Variants in TAFA1 observed in about 807,000 individuals in gnomAD.
TAFA1 encodes the protein TAFA chemokine like family member 1.
Under a neutral mutation model 18.5 loss-of-function variants are expected in TAFA1, and 4 were observed. The ratio of observed to expected loss-of-function variants is 0.22; its 90% CI spans 0.11 to 0.49. TAFA1 has a LOEUF of 0.49. Ranked by LOEUF, TAFA1 falls within the 20% of genes least tolerant of loss-of-function variation. The pLI is 0.98. For missense variants in TAFA1, 147 were observed against 169.0 expected (o/e 0.87, Z 0.72); for synonymous variants, 56 against 55.2 (o/e 1.01, Z -0.06).
At chr3:68,302,756 C>T (rs2068328907) in intron 2 of TAFA1, among the ~76,000 whole-genome samples, 1 of 152,170 alleles carries the variant, frequency 6.6e-6, no homozygotes, top group African/African-American at 2.4e-5. Context: ...GACTGGAATG[C>T]TCATCCCCAC....
At chr3:68,151,694 C>T (rs1320301665) in intron 2 of TAFA1, among the ~76,000 whole-genome samples, 1 of 152,168 alleles carries the variant, frequency 6.6e-6, no homozygotes, top group Non-Finnish European at 1.5e-5. Context: ...GTGATAATGA[C>T]ATTTATTCAT....
intron 2 of TAFA1, among the ~76,000 whole-genome samples, chr3:68,293,600 T>C (rs2068153738): frequency 6.6e-6 from 1 of 152,198 alleles, no homozygotes; most frequent in Non-Finnish European, 1.5e-5. Context: ...TCCTTGGGTC[T>C]CTGTAAGAAT....
chr3:68,276,819 A>G (rs2067806006), intron 2 of TAFA1, among the ~76,000 whole-genome samples: 1 of 152,076 alleles, frequency 6.6e-6, no homozygotes, highest in African/African-American at 2.4e-5. Context: ...GAGGAGGAAA[A>G]GGTTTGATAT....
chr3:68,120,354 A>T (rs1166050645), intron 2 of TAFA1, among the ~76,000 whole-genome samples: 2 of 151,684 alleles, frequency 1.3e-5, no homozygotes, highest in African/African-American at 2.4e-5. Context: ...GGTTCAAGTG[A>T]TTCTCATGCC....
chr3:68,246,972 G>A (rs2067093061), intron 2 of TAFA1: 1 of 152,140 alleles, frequency 6.6e-6, no homozygotes, highest in Non-Finnish European at 1.5e-5. Flanking sequence ...TCAGTTAAAT[G>A]CCGTATGATC....
At chr3:68,120,220 TC>T (rs2065378816) in intron 2 of TAFA1, among the ~76,000 whole-genome samples, 2 of 133,392 alleles carry the variant, frequency 1.5e-5, no homozygotes, top group African/African-American at 3.0e-5. Context: ...TTTCTTTCTT[TC>T]TTTCTTTCTT....
the TAFA1 span, among the ~76,000 whole-genome samples, chr3:67,991,919 G>T: frequency 9.9e-5 from 15 of 151,728 alleles, no homozygotes; most frequent in Non-Finnish European, 1.9e-4. Flanking sequence ...TATCCTATTG[G>T]TTCTGTTTCT....
At chr3:68,022,810 TATATATATATATTATATATA>T (rs1176995846) in intron 2 of TAFA1, among the ~76,000 whole-genome samples, 10 of 95,930 alleles carry the variant, frequency 1.0e-4, no homozygotes. Context: ...GTATAAGATT[TATATATATATATTATATATA>T]ATATATATAT....
intron 2 of TAFA1, among the ~76,000 whole-genome samples, chr3:68,338,500 A>G (rs754780630): frequency 2.0e-5 from 3 of 152,154 alleles, no homozygotes; most frequent in Non-Finnish European, 2.9e-5. Flanking sequence ...AGCTTTTATT[A>G]TGTGCCATAT....
chr3:68,466,524 C>T (rs1348949391), intron 3 of TAFA1, among the ~76,000 whole-genome samples: 1 of 152,118 alleles, frequency 6.6e-6, no homozygotes, highest in Non-Finnish European at 1.5e-5. Flanking sequence ...CTGCCAAAGC[C>T]CATACCCCTT....
At chr3:68,459,018 T>C (rs2071722468) in intron 3 of TAFA1, among the ~76,000 whole-genome samples, 1 of 152,180 alleles carries the variant, frequency 6.6e-6, no homozygotes, top group South Asian at 2.1e-4. Flanking sequence ...GGTACAGTCA[T>C]TGCAAAGCAT....
At chr3:68,418,879 A>C (rs1286978327) in intron 3 of TAFA1, among the ~76,000 whole-genome samples, 2 of 152,172 alleles carry the variant, frequency 1.3e-5, no homozygotes, top group African/African-American at 4.8e-5. Context: ...AAATCCCAAA[A>C]CTTAGCAGCT....
intron 3 of TAFA1, among the ~76,000 whole-genome samples, chr3:68,437,513 G>A (rs1304931365): frequency 6.6e-6 from 1 of 152,108 alleles, no homozygotes; most frequent in Non-Finnish European, 1.5e-5. Context: ...CTTCCTAGGA[G>A]TGACTCTGTA....
At chr3:68,008,722 T>A (rs2106772359) in intron 2 of TAFA1, among the ~76,000 whole-genome samples, 2 of 152,228 alleles carry the variant, frequency 1.3e-5, no homozygotes, top group Admixed American at 1.3e-4. Flanking sequence ...AAAACTTTCA[T>A]TATGTCAATA....
At chr3:68,263,336 T>A (rs565185037) in intron 2 of TAFA1, among the ~76,000 whole-genome samples, 1 of 152,144 alleles carries the variant, frequency 6.6e-6, no homozygotes, top group African/African-American at 2.4e-5. Flanking sequence ...AGTCTCATCC[T>A]TATATTTTGT....
chr3:68,147,935 A>G (rs1255891048), intron 2 of TAFA1, among the ~76,000 whole-genome samples: 1 of 152,252 alleles, frequency 6.6e-6, no homozygotes, highest in Admixed American at 6.5e-5. Context: ...TTGTTGTGAG[A>G]GAAAAATGTT....
chr3:67,995,617 A>T, the TAFA1 span, among the ~76,000 whole-genome samples: 1 of 152,136 alleles, frequency 6.6e-6, no homozygotes, highest in African/African-American at 2.4e-5. Flanking sequence ...TATGACAAAA[A>T]CCTGAATGTG....
intron 2 of TAFA1, among the ~76,000 whole-genome samples, chr3:68,379,987 A>C (rs1437067757): frequency 1.3e-5 from 2 of 150,258 alleles, no homozygotes; most frequent in African/African-American, 4.9e-5. Context: ...TAATCGTTCA[A>C]CTCCCACCTA....
chr3:68,259,737 TTGTC>T (rs1218413957), intron 2 of TAFA1, among the ~76,000 whole-genome samples: 1 of 151,880 alleles, frequency 6.6e-6, no homozygotes, highest in South Asian at 2.1e-4. Flanking sequence ...GGCTCTCTGT[TTGTC>T]TGTTATTGGT....
Sources: gnomAD v4.1 joint callset for allele counts (sites outside exome capture counted in the v4.1 genomes callset) on GRCh38, gnomAD v4.1.1 for gene constraint, MANE v1.5 for transcripts, NCBI Gene and HGNC (gene_info 2026-07-23, HGNC 2026-07-21) for gene names.